Variants in NEB observed in about 807,000 individuals in gnomAD.
The protein encoded by NEB is nebulin.
NEB carries 512 observed loss-of-function variants against 952.2 expected under a neutral mutation model. The ratio of observed to expected loss-of-function variants is 0.54; its 90% CI spans 0.50 to 0.58. The LOEUF is 0.58. Among genes scored for constraint, NEB ranks in the 20% least tolerant of loss-of-function variants. The probability of loss-of-function intolerance (pLI) is 0.00; values close to 1 mark genes in which losing one functional copy is unlikely to be tolerated. For synonymous variants in NEB, 2,900 were observed against 3,149.8 expected (o/e 0.92, Z 2.66); for missense variants, 8,428 against 9,231.1 (o/e 0.91, Z 3.56).
intron 174 of NEB, 77 bp from the exon 175 acceptor site, chr2:151,493,944 AATGTT>A (rs1333587375): frequency 9.0e-7 from 1 of 1,110,378 alleles, no homozygotes; most frequent in African/African-American, 1.6e-5. Flanking sequence ...GTTGGGGGGA[AATGTT>A]ATGTTTAATC....
intron 72 of NEB, 56 bp from the exon 73 acceptor site, chr2:151,619,818 T>C: frequency 1.3e-6 from 2 of 1,530,326 alleles, no homozygotes; most frequent in Non-Finnish European, 1.8e-6. Flanking sequence ...TTCCCTGTTG[T>C]TCTTTCTGTG....
At chr2:151,533,797 T>C (rs1488602518) in intron 142 of NEB, among the ~76,000 whole-genome samples, 1 of 152,240 alleles carries the variant, frequency 6.6e-6, no homozygotes, top group East Asian at 1.9e-4. Flanking sequence ...ACCACCAAAA[T>C]AGCTTTATAG....
intron 160 of NEB, among the ~76,000 whole-genome samples, chr2:151,513,080 G>C (rs2075657289): frequency 6.6e-6 from 1 of 152,188 alleles, no homozygotes; most frequent in Admixed American, 6.5e-5. Flanking sequence ...TATGGGTAAG[G>C]AGGGATCATC....
chr2:151,639,143 T>G (rs1490369463), intron 63 of NEB, 137 bp downstream of exon 63: 3 of 621,452 alleles, frequency 4.8e-6, no homozygotes, highest in Admixed American at 5.9e-5. Context: ...TGATGGTGAT[T>G]GAGAAATGCA....
intron 107 of NEB, among the ~76,000 whole-genome samples, chr2:151,571,685 A>C (rs1485052078): frequency 6.6e-6 from 1 of 152,252 alleles, no homozygotes; most frequent in Non-Finnish European, 1.5e-5. Flanking sequence ...CTGATTTACA[A>C]GTATTTTAAA....
intron 78 of NEB, among the ~76,000 whole-genome samples, chr2:151,611,204 T>C (rs887034244): frequency 6.6e-6 from 1 of 152,154 alleles, no homozygotes; most frequent in Non-Finnish European, 1.5e-5. Flanking sequence ...ATCCCTAGAC[T>C]TCAGAGTCAA....
rs752691224 is a variant in NEB at position 151,531,089 on chromosome 2, A to G, written c.21535T>C (p.Leu7179=). The change falls in exon 145 of 182, where the codon TTG becomes CTG. Residue 7179 remains leucine (L), a synonymous_variant. Coordinates refer to ENST00000397345, the MANE Select transcript of NEB (RefSeq NM_001164508.2). ...NKQISDILYK[L]EYNKAKPRGY... is the part of the protein sequence containing the mutation. ...CTGGGTTTGGCCTTGTTGTATTCCA[A>G]TTTATAAAGGATCTGAAAGATCAAA... 9 of 1,607,208 alleles carry G rather than the reference A, an allele frequency of 5.6e-6. No individual in the cohort carries two copies. Among genetic ancestry groups the G allele is most frequent in the Non-Finnish European group, 6.8e-6 (8 of 1,174,470 alleles).
At chr2:151,505,676 G>T in intron 164 of NEB, 106 bp from the exon 165 acceptor site, 1 of 924,886 alleles carries the variant, frequency 1.1e-6, no homozygotes, top group Non-Finnish European at 1.8e-6. Flanking sequence ...AAAATTAACA[G>T]TGTAAATAAC....
rs1485633105 is a variant in NEB at position 151,642,661 on chromosome 2, T to C, written c.8286A>G (p.Leu2762=). ...NYSEKLYKLG[L]EEAKRKGYDM... is the part of the protein sequence containing the mutation. ...CATAACCTTTCCTCTTGGCTTCTTC[T>C]AGGCCAAGCTTATACAATTTCTAAA... Residue 2762 remains leucine (L), a synonymous_variant, in exon 60 of 182, where the codon CTA becomes CTG. Transcript: ENST00000397345. The C allele has an allele frequency of 2.5e-6, 4 of 1,613,928 alleles. No homozygotes were observed. Among genetic ancestry groups the C allele is most frequent in the Non-Finnish European group, 3.4e-6 (4 of 1,179,814 alleles).
chr2:151,493,251 T>A, intron 176 of NEB, 102 bp downstream of exon 176: 1 of 918,938 alleles, frequency 1.1e-6, no homozygotes, highest in South Asian at 1.6e-5. Flanking sequence ...TCTTTTAAAA[T>A]TTTAGTGTGT....
chr2:151,514,772 C>T (rs1403353664), intron 158 of NEB, 46 bp downstream of exon 158: 1 of 1,279,850 alleles, frequency 7.8e-7, no homozygotes, highest in East Asian at 2.5e-5. Context: ...GTCACTAGTG[C>T]AATTATTTGG....
intron 114 of NEB, among the ~76,000 whole-genome samples, 165 bp from the exon 115 acceptor site, chr2:151,565,985 C>G (rs575248859): frequency 2.0e-5 from 3 of 152,320 alleles, no homozygotes; most frequent in South Asian, 4.1e-4. Flanking sequence ...GAGGCTGTTA[C>G]TGTGCATGAG....
chr2:151,560,990 A>T lies in NEB; in HGVS notation c.19206+14T>A, dbSNP rs1415247576. On this transcript the variant is annotated intron_variant, in intron 123 of 181. Coordinates refer to ENST00000397345, the MANE Select transcript of NEB (RefSeq NM_001164508.2). ...GGTGGCTCATATATAAGGGGGAAAA[A>T]AAACTCAACTCACACTGCTGTAAAG... The T allele has an allele frequency of 6.4e-6, 10 of 1,552,956 alleles. No individual in the cohort carries two copies. Among genetic ancestry groups the T allele is most frequent in the Non-Finnish European group, 8.8e-6 (10 of 1,130,968 alleles).
intron 77 of NEB, among the ~76,000 whole-genome samples, chr2:151,613,632 T>C (rs773115680): frequency 1.3e-5 from 2 of 152,214 alleles, no homozygotes; most frequent in Non-Finnish European, 2.9e-5. Flanking sequence ...CCAGATCTCA[T>C]GTTGAATTGT....
intron 40 of NEB, 33 bp from the exon 41 acceptor site, chr2:151,666,434 C>T (rs2099217605): frequency 6.3e-7 from 1 of 1,595,424 alleles, no homozygotes; most frequent in Non-Finnish European, 8.6e-7. Flanking sequence ...CAGAAGTTGG[C>T]TAGCATAGAA....
chr2:151,528,845 A>T (rs75323975), intron 146 of NEB, among the ~76,000 whole-genome samples: 1 of 152,206 alleles, frequency 6.6e-6, no homozygotes, highest in Admixed American at 6.5e-5. Context: ...GAAGAAGCAG[A>T]TTGTAGAGTT....
rs1275349566 is a variant in NEB, at chr2:151,605,774, T to C, written c.12747+832A>G. The stretch of plus-strand genomic sequence containing the variant: ...TAAAGAGTTGGAGCTGGGGGCAGGG[T>C]GCACCTGGTAGCATAATTATTCTAT... On this transcript the variant is annotated intron_variant, in intron 84 of 181. Coordinates refer to ENST00000397345, the MANE Select transcript of NEB (RefSeq NM_001164508.2). Among the ~76,000 whole-genome samples, 6 of 97,534 alleles carry C rather than the reference T, an allele frequency of 6.2e-5. 2 individuals carry two copies. In the East Asian group the frequency reaches 1.7e-3, roughly 27 times the overall value. 64.0% of individuals were successfully genotyped at this position (97,534 alleles called of 152,430 possible).
At chr2:151,487,290 A>G (rs1325652495) in intron 181 of NEB, among the ~76,000 whole-genome samples, 3 of 152,216 alleles carry the variant, frequency 2.0e-5, no homozygotes, top group Non-Finnish European at 4.4e-5. Flanking sequence ...GGAGGTATAT[A>G]ATAAGTGATA....
At chr2:151,674,948 AG>A (rs2099347577) in intron 35 of NEB, among the ~76,000 whole-genome samples, 1 of 152,178 alleles carries the variant, frequency 6.6e-6, no homozygotes, top group Non-Finnish European at 1.5e-5. Flanking sequence ...TAGAAATTTT[AG>A]GGTTGTTATT....
Sources: gnomAD v4.1 joint callset for allele counts (sites outside exome capture counted in the v4.1 genomes callset) on GRCh38, gnomAD v4.1.1 for gene constraint, MANE v1.5 for transcripts, NCBI Gene and HGNC (gene_info 2026-07-23, HGNC 2026-07-21) for gene names.